Variants in GABRB1 observed in about 807,000 individuals in gnomAD.
The protein encoded by GABRB1 is gamma-aminobutyric acid type A receptor subunit beta1.
Under a neutral mutation model 51.6 loss-of-function variants are expected in GABRB1, and 17 were observed. The ratio of observed to expected loss-of-function variants is 0.33; its 90% CI spans 0.23 to 0.49. The LOEUF is 0.49. Among genes scored for constraint, GABRB1 ranks in the 20% least tolerant of loss-of-function variants. The pLI is 0.99. For missense variants in GABRB1, 410 were observed against 600.6 expected, an observed-to-expected ratio of 0.68 and a Z score of 3.32; for synonymous variants, 247 against 218.9, an observed-to-expected ratio of 1.13 and a Z score of -1.14.
At chr4:47,008,222 G>A (rs983628357) in intron 1 of GABRB1, among the ~76,000 whole-genome samples, 16 of 152,086 alleles carry the variant, frequency 1.1e-4, no homozygotes, top group African/African-American at 3.9e-4. Context: ...CAGGAAGTTG[G>A]AGGGCAGAAA....
At chr4:47,043,364 A>G (rs1725940053) in intron 3 of GABRB1, 1 of 152,026 alleles carries the variant, frequency 6.6e-6, no homozygotes. Context: ...AAACATTGCT[A>G]CGTAAACAAC....
At chr4:47,081,800 C>A (rs1727858216) in intron 3 of GABRB1, among the ~76,000 whole-genome samples, 1 of 152,002 alleles carries the variant, frequency 6.6e-6, no homozygotes, top group Non-Finnish European at 1.5e-5. Flanking sequence ...CAATATATAT[C>A]TGGTTAAAAT....
At chr4:47,237,575 T>A (rs192260048) in intron 4 of GABRB1, among the ~76,000 whole-genome samples, 1 of 152,152 alleles carries the variant, frequency 6.6e-6, no homozygotes, top group Non-Finnish European at 1.5e-5. Flanking sequence ...GTACTTTAAA[T>A]TAGTTAATAA....
intron 5 of GABRB1, among the ~76,000 whole-genome samples, chr4:47,401,347 A>C (rs571360262): frequency 3.3e-5 from 5 of 152,230 alleles, no homozygotes; most frequent in Non-Finnish European, 5.9e-5. Context: ...GCGATTTCTC[A>C]GCCCACTTTT....
chr4:47,031,105 C>T (rs1680221619), upstream of GABRB1, among the ~76,000 whole-genome samples: 1 of 152,078 alleles, frequency 6.6e-6, no homozygotes, highest in Non-Finnish European at 1.5e-5. Context: ...TTTAGTAACT[C>T]TCCCGTTCCC....
chr4:47,287,134 A>G (rs903755022), intron 4 of GABRB1, among the ~76,000 whole-genome samples: 4 of 129,268 alleles, frequency 3.1e-5, no homozygotes, highest in Non-Finnish European at 6.6e-5. Flanking sequence ...GGTGAGAGAA[A>G]GAGAGAGAGA....
intron 3 of GABRB1, among the ~76,000 whole-genome samples, chr4:47,109,865 T>C (rs188508439): frequency 1.6e-3 from 248 of 152,230 alleles, no homozygotes; most frequent in Non-Finnish European, 1.6e-3. Context: ...CTTTAGACAC[T>C]AGCTGGTCCC....
chr4:47,015,991 G>A lies in GABRB1; in HGVS notation c.-19-15923G>A, dbSNP rs1340448134. Among the ~76,000 whole-genome samples, 6 of 152,312 alleles carry A rather than the reference G, an allele frequency of 3.9e-5. No homozygotes were observed. In the East Asian group the frequency reaches 5.8e-4, roughly 15 times the overall value. ...ATGCCACAGCAGCTGGAGTATTAGC[G>A]AGGACTAGACCTTGAAAGTTCACAA... On this transcript the variant is annotated intron_variant, in intron 1 of 3. Transcript: ENST00000513567.
At chr4:47,309,285 C>T (rs1724580525) in intron 4 of GABRB1, among the ~76,000 whole-genome samples, 1 of 151,662 alleles carries the variant, frequency 6.6e-6, no homozygotes, top group East Asian at 1.9e-4. Context: ...CACCCTCAAT[C>T]CCCTACTCTG....
intron 3 of GABRB1, among the ~76,000 whole-genome samples, chr4:47,101,391 TG>T (rs1714714699): frequency 6.6e-6 from 1 of 150,946 alleles, no homozygotes; most frequent in Admixed American, 6.8e-5. Context: ...ATTTTAAATA[TG>T]AAAAAAGGAC....
chr4:47,128,658 A>G (rs1477996743), intron 3 of GABRB1, among the ~76,000 whole-genome samples: 1 of 151,990 alleles, frequency 6.6e-6, no homozygotes, highest in Non-Finnish European at 1.5e-5. Flanking sequence ...TTATTTCTTC[A>G]TATTTCAGAG....
intron 4 of GABRB1, among the ~76,000 whole-genome samples, chr4:47,229,421 T>A (rs1397148646): frequency 6.6e-6 from 1 of 152,160 alleles, no homozygotes; most frequent in Non-Finnish European, 1.5e-5. Flanking sequence ...TGTGTGACAC[T>A]CAAGTGTAGG....
At chr4:47,003,045 T>C (rs574278721) in intron 1 of GABRB1, among the ~76,000 whole-genome samples, 1 of 151,668 alleles carries the variant, frequency 6.6e-6, no homozygotes, top group East Asian at 1.9e-4. Context: ...ATGGATAGCA[T>C]AAGACTCCCA....
rs534406026 is a variant in GABRB1, at chr4:47,260,816, C to A, written c.462-59311C>A. Among the ~76,000 whole-genome samples, 592 of 152,206 alleles carry A rather than the reference C, an allele frequency of 3.9e-3. 7 individuals are homozygous for A. Among genetic ancestry groups the A allele is most frequent in the Admixed American group, 0.022 (330 of 15,266 alleles). ...AAATCCTCAATGAAATACTGGCAAA[C>A]CGAATCCAGCAGCACATCAAAAAGC... is the stretch of plus-strand genomic sequence containing the variant. On this transcript the variant is annotated intron_variant, in intron 4 of 8. Transcript: ENST00000295454.
chr4:47,158,262 A>G (rs945038028), intron 3 of GABRB1, among the ~76,000 whole-genome samples: 6 of 151,968 alleles, frequency 3.9e-5, no homozygotes, highest in African/African-American at 1.4e-4. Context: ...ATTCAGTGTT[A>G]TTTTGCCATT....
At chr4:47,072,361 T>C (rs75167953) in intron 3 of GABRB1, among the ~76,000 whole-genome samples, 4,969 of 152,228 alleles carry the variant, frequency 0.033, 100 homozygotes, top group Non-Finnish European at 0.049. Context: ...GGGAAGGAGT[T>C]AGAGTTTAAT....
chr4:47,242,209 C>T (rs983867631), intron 4 of GABRB1, among the ~76,000 whole-genome samples: 2 of 152,316 alleles, frequency 1.3e-5, no homozygotes, highest in South Asian at 2.1e-4. Flanking sequence ...CTACAAAGGA[C>T]ATGAACTCAT....
intron 4 of GABRB1, among the ~76,000 whole-genome samples, chr4:47,307,313 T>G (rs537749669): frequency 1.3e-5 from 2 of 152,268 alleles, no homozygotes; most frequent in East Asian, 3.9e-4. Context: ...AATTTTGTTT[T>G]GTAGCTTTTA....
chr4:47,051,162 A>T (rs1726334646), intron 3 of GABRB1, among the ~76,000 whole-genome samples: 1 of 152,202 alleles, frequency 6.6e-6, no homozygotes, highest in Non-Finnish European at 1.5e-5. Context: ...AGGAGGGAAA[A>T]AAAAGACGGG....
Sources: allele counts gnomAD v4.1 joint callset (sites outside exome capture counted in the v4.1 genomes callset), GRCh38; gene constraint gnomAD v4.1.1; transcripts MANE v1.5; gene names NCBI Gene and HGNC (gene_info 2026-07-23, HGNC 2026-07-21).